Variants in PCDHGB4 observed in about 807,000 individuals in gnomAD.
PCDHGB4 encodes protocadherin gamma-B4.
PCDHGB4 carries 38 observed loss-of-function variants against 60.5 expected under a neutral mutation model. That is an observed-to-expected ratio of 0.63 (90% confidence interval 0.48 to 0.82). The LOEUF (loss-of-function observed/expected upper bound fraction) is 0.82, where lower values mean the gene tolerates loss of function less well. Among genes scored for constraint, PCDHGB4 ranks in the 40% least tolerant of loss-of-function variants. The probability of loss-of-function intolerance (pLI) is 0.00; values close to 1 mark genes in which losing one functional copy is unlikely to be tolerated. For missense variants in PCDHGB4, 1,109 were observed against 1,209.6 expected (o/e 0.92, Z 1.23); for synonymous variants, 456 against 509.7 (o/e 0.89, Z 1.42).
chr5:141,395,515 C>T (rs527577408), intron 1 of PCDHGB4: 5 of 407,340 alleles, frequency 1.2e-5, no homozygotes, highest in South Asian at 7.2e-5. Context: ...AGTAGCTACC[C>T]GTCCATACTG....
intron 1 of PCDHGB4, among the ~76,000 whole-genome samples, chr5:141,469,859 A>C (rs2099213257): frequency 6.6e-6 from 1 of 152,080 alleles, no homozygotes; most frequent in Non-Finnish European, 1.5e-5. Context: ...GACCGGGTGC[A>C]ATGGCTCACG....
At chr5:141,408,643 C>T (rs751905674) in intron 1 of PCDHGB4, 3 of 1,613,910 alleles carry the variant, frequency 1.9e-6, no homozygotes, top group Non-Finnish European at 1.7e-6. Context: ...AATCTGCATC[C>T]GCTGGTACAC....
chr5:141,403,273 A>C, intron 1 of PCDHGB4: 1 of 1,613,886 alleles, frequency 6.2e-7, no homozygotes, highest in African/African-American at 1.3e-5. Context: ...TGAACTTTAA[A>C]GTCCTGGTTG....
At chr5:141,508,371 C>T (rs1250979168) in intron 3 of PCDHGB4, 1 of 152,226 alleles carries the variant, frequency 6.6e-6, no homozygotes, top group East Asian at 1.9e-4. Flanking sequence ...CAACTTCTTC[C>T]CCTCAGATTT....
At chr5:141,429,571 A>G (rs1221285032) in intron 1 of PCDHGB4, among the ~76,000 whole-genome samples, 2 of 152,156 alleles carry the variant, frequency 1.3e-5, no homozygotes, top group Non-Finnish European at 2.9e-5. Flanking sequence ...ATTCAGTTAC[A>G]TTTACTTTTG....
chr5:141,487,438 G>A lies in PCDHGB4; in HGVS notation c.2398-7369G>A, dbSNP rs2154580826. 6 of 1,614,174 alleles carry A rather than the reference G, an allele frequency of 3.7e-6. No individual in the cohort carries two copies. Among genetic ancestry groups the A allele is most frequent in the East Asian group, 2.2e-5 (1 of 44,866 alleles). On this transcript the variant is annotated intron_variant, in intron 1 of 3. Transcript: ENST00000519479. This position sits in a 1 kb window ranked among gnomAD's most constrained non-coding sequence, Gnocchi z 5.0. The stretch of plus-strand genomic sequence containing the variant: ...ATGGGATCCTCCGAATCCAGCTAGG[G>A]TCAGATGACCCTATCAAGTTTGTTG...
intron 1 of PCDHGB4, chr5:141,421,546 A>C: frequency 6.2e-7 from 1 of 1,614,014 alleles, no homozygotes; most frequent in Non-Finnish European, 8.5e-7. Context: ...TTTTTTAAAT[A>C]TGGAACTTCT....
intron 1 of PCDHGB4, chr5:141,399,393 C>A: frequency 6.2e-7 from 1 of 1,613,976 alleles, no homozygotes; most frequent in Non-Finnish European, 8.5e-7. Flanking sequence ...CAGCCACAGA[C>A]AGGGGCAAGC....
rs529029548 is a variant in PCDHGB4 at position 141,483,337 on chromosome 5, T to C, written c.2398-11470T>C. 9.2e-5 allele frequency among the ~76,000 whole-genome samples: 14 copies of C among 152,260 alleles called. No homozygotes were observed. In the East Asian group the frequency reaches 2.5e-3, roughly 27 times the overall value. On this transcript the variant is annotated intron_variant, in intron 1 of 3. Transcript: ENST00000519479. Reference sequence around the variant, plus strand: ...TGGGACTGGAGGCAAAGAGATCTTATCTCTTTGCAATAGTTTGAAAGCTAT... The same window carrying C: ...TGGGACTGGAGGCAAAGAGATCTTACCTCTTTGCAATAGTTTGAAAGCTAT...
intron 1 of PCDHGB4, among the ~76,000 whole-genome samples, chr5:141,466,637 A>G (rs944728391): frequency 1.1e-4 from 16 of 152,234 alleles, no homozygotes; most frequent in Admixed American, 8.5e-4. Flanking sequence ...CATTGTCTCC[A>G]TAAACTTTTC....
intron 1 of PCDHGB4, among the ~76,000 whole-genome samples, chr5:141,464,885 G>T (rs1592925315): frequency 6.6e-6 from 1 of 152,020 alleles, no homozygotes; most frequent in East Asian, 1.9e-4. Flanking sequence ...ACTACAGATG[G>T]ATGCCACCAT....
In PCDHGB4 at chr5:141,491,533, C is replaced by G. The variant is rs758270791; in HGVS notation, c.2398-3274C>G. 4.3e-6 allele frequency: 7 copies of G among 1,614,010 alleles called. No homozygotes were observed. The highest frequency in any genetic ancestry group is 5.1e-6 in the Non-Finnish European group (6 of 1,180,028). ...GCTCAAGTACATGGAGGTGACGCTGCGGCCCACAGACTCGCAGAGCCACTG... is the reference window on the plus strand; with the variant it reads ...GCTCAAGTACATGGAGGTGACGCTGGGGCCCACAGACTCGCAGAGCCACTG... On this transcript the variant is annotated intron_variant, in intron 1 of 3. Transcript: ENST00000519479. The surrounding 1 kb of genome is among the most constrained non-coding windows in gnomAD (Gnocchi z 6.9).
Position 141,490,270 on chromosome 5 carries a change from A to G in PCDHGB4, c.2398-4537A>G. On this transcript the variant is annotated intron_variant, in intron 1 of 3. Coordinates refer to ENST00000519479, the MANE Select transcript of PCDHGB4 (RefSeq NM_003736.4). The surrounding 1 kb of genome is among the most constrained non-coding windows in gnomAD (Gnocchi z 5.4). The stretch of plus-strand genomic sequence containing the variant: ...GATTCAAGTGGATGTGGGGGATGTC[A>G]ATGACAATGCCCCAGAGGTGCTATT... The G allele has an allele frequency of 6.2e-7, 1 of 1,614,226 alleles. No individual in the cohort carries two copies. Among genetic ancestry groups the G allele is most frequent in the African/African-American group, 1.3e-5 (1 of 75,060 alleles).
At chr5:141,435,390 C>T (rs2097760754) in intron 1 of PCDHGB4, among the ~76,000 whole-genome samples, 1 of 152,052 alleles carries the variant, frequency 6.6e-6, no homozygotes, top group Non-Finnish European at 1.5e-5. Flanking sequence ...ACCGTATTGC[C>T]ATGACGAAAA....
At position 141,414,317 on chromosome 5, in the gene PCDHGB4, AG is replaced by A. The variant is rs757847465; in HGVS notation, c.2397+24037del. On this transcript the variant is annotated intron_variant, in intron 1 of 3. Transcript: ENST00000519479. The stretch of plus-strand genomic sequence containing the variant: ...TTAAATGTGCATGATTTAGACTCTG[AG>A]CAGAATGGACAGGTAACCTGTTCCA... The A allele has an allele frequency of 1.9e-6, 3 of 1,613,828 alleles. No individual in the cohort carries two copies. In the South Asian group the frequency reaches 3.3e-5, roughly 18 times the overall value.
At chr5:141,430,853 C>G (rs769009864) in intron 1 of PCDHGB4, 2 of 1,587,214 alleles carry the variant, frequency 1.3e-6, no homozygotes, top group Non-Finnish European at 1.7e-6. Flanking sequence ...CACCCAGATA[C>G]GCTATTCAGT....
At chr5:141,507,724 G>A (rs2099862962) in intron 3 of PCDHGB4, among the ~76,000 whole-genome samples, 1 of 152,256 alleles carries the variant, frequency 6.6e-6, no homozygotes. Context: ...CTCCAAGCAA[G>A]TCATGCAGCT....
intron 1 of PCDHGB4, chr5:141,418,283 ATCAG>A: frequency 1.9e-6 from 3 of 1,613,996 alleles, no homozygotes; most frequent in Non-Finnish European, 2.5e-6. Context: ...AAACTTAGAA[ATCAG>A]TGAATCCGTC....
chr5:141,482,380 C>A (rs2099557573), intron 1 of PCDHGB4, among the ~76,000 whole-genome samples: 1 of 151,712 alleles, frequency 6.6e-6, no homozygotes, highest in Non-Finnish European at 1.5e-5. Context: ...ATATAAAGTC[C>A]CTGTATGGAG....
Sources: allele counts gnomAD v4.1 joint callset (sites outside exome capture counted in the v4.1 genomes callset), GRCh38; gene constraint gnomAD v4.1.1; non-coding constraint Gnocchi (gnomAD v3.1); transcripts MANE v1.5; gene names NCBI Gene and HGNC (gene_info 2026-07-23, HGNC 2026-07-21).